The following IKZF3 variants were observed in gnomAD, a reference collection of about 807,000 sequenced individuals.
IKZF3 encodes zinc finger protein Aiolos.
Under a neutral mutation model 49.0 loss-of-function variants are expected in IKZF3, and 10 were observed. That is an observed-to-expected ratio of 0.20 (90% CI 0.13 to 0.35). The LOEUF is 0.35. Ranked by LOEUF, IKZF3 falls within the 10% of genes least tolerant of loss-of-function variation. The pLI, the probability that IKZF3 is intolerant of heterozygous loss-of-function variation, is 1.00. For missense variants in IKZF3, 498 were observed against 664.8 expected (o/e 0.75, Z 2.76); for synonymous variants, 209 against 228.2 (o/e 0.92, Z 0.76).
intron 6 of IKZF3, among the ~76,000 whole-genome samples, chr17:39,786,621 T>C (rs2060881303): frequency 6.6e-6 from 1 of 152,174 alleles, no homozygotes; most frequent in Non-Finnish European, 1.5e-5. Context: ...GTTTTTCTTT[T>C]TATTTTATTA....
intron 3 of IKZF3, among the ~76,000 whole-genome samples, chr17:39,807,971 A>G (rs1158540207): frequency 6.6e-6 from 1 of 152,164 alleles, no homozygotes; most frequent in East Asian, 1.9e-4. Flanking sequence ...CAGCTCTGTA[A>G]ATTTACTAGA....
chr17:39,840,300 G>A (rs990265395), intron 1 of IKZF3, among the ~76,000 whole-genome samples: 1 of 152,188 alleles, frequency 6.6e-6, no homozygotes, highest in Non-Finnish European at 1.5e-5. Flanking sequence ...TGCTGTGGTT[G>A]TTATGGTTTG....
At chr17:39,838,844 T>C (rs1360456796) in intron 1 of IKZF3, among the ~76,000 whole-genome samples, 1 of 152,206 alleles carries the variant, frequency 6.6e-6, no homozygotes, top group Non-Finnish European at 1.5e-5. Flanking sequence ...GTTTTACTTT[T>C]TTTTTAAGAG....
intron 1 of IKZF3, among the ~76,000 whole-genome samples, chr17:39,860,693 C>A (rs1356809718): frequency 2.6e-5 from 4 of 152,060 alleles, no homozygotes; most frequent in Non-Finnish European, 5.9e-5. Flanking sequence ...TTAATGTGAC[C>A]CCCAAATTAG....
chr17:39,860,860 C>T (rs2063196902), intron 1 of IKZF3, among the ~76,000 whole-genome samples: 1 of 152,112 alleles, frequency 6.6e-6, no homozygotes, highest in Admixed American at 6.5e-5. Flanking sequence ...CACATGTACC[C>T]CCTAAATCTA....
Position 39,786,343 on chromosome 17 carries a change from G to C in IKZF3, c.709+1915C>G, listed in dbSNP as rs192071387. Among the ~76,000 whole-genome samples, 598 of 152,260 alleles carry C rather than the reference G, an allele frequency of 3.9e-3. 3 individuals carry two copies. Among genetic ancestry groups the C allele is most frequent in the Non-Finnish European group, 6.1e-3 (417 of 68,020 alleles). ...TTGTCACCTCTAAAATGAAGAAGTA[G>C]GGTCAGATGCTCTCTTTCATTCTAG... On this transcript the variant is annotated intron_variant, in intron 6 of 7. Coordinates refer to ENST00000346872, the MANE Select transcript of IKZF3 (RefSeq NM_012481.5).
intron 3 of IKZF3, among the ~76,000 whole-genome samples, chr17:39,827,455 G>A (rs892840887): frequency 6.6e-5 from 10 of 151,964 alleles, no homozygotes; most frequent in Non-Finnish European, 1.5e-4. Flanking sequence ...CACCACACCT[G>A]GCTAATTTAT....
intron 3 of IKZF3, among the ~76,000 whole-genome samples, chr17:39,817,558 C>A (rs2061705032): frequency 6.6e-6 from 1 of 152,140 alleles, no homozygotes; most frequent in African/African-American, 2.4e-5. Context: ...CCTGCCTCAG[C>A]CTCTTGAGTA....
At chr17:39,817,704 T>C (rs367619694) in intron 3 of IKZF3, among the ~76,000 whole-genome samples, 13 of 152,230 alleles carry the variant, frequency 8.5e-5, no homozygotes, top group Admixed American at 8.5e-4. Flanking sequence ...TTACATTCTA[T>C]TACTTTTATA....
At chr17:39,811,457 A>G (rs2061559884) in intron 3 of IKZF3, among the ~76,000 whole-genome samples, 1 of 151,864 alleles carries the variant, frequency 6.6e-6, no homozygotes, top group Non-Finnish European at 1.5e-5. Context: ...AGAAAGAAAG[A>G]AAGGAAGAAA....
At chr17:39,839,038 C>T (rs1362689337) in intron 1 of IKZF3, among the ~76,000 whole-genome samples, 1 of 152,016 alleles carries the variant, frequency 6.6e-6, no homozygotes, top group African/African-American at 2.4e-5. Context: ...ACTATGTTGC[C>T]CAGGCTTGTC....
chr17:39,831,197 C>T (rs1344271935), intron 2 of IKZF3, among the ~76,000 whole-genome samples: 1 of 151,956 alleles, frequency 6.6e-6, no homozygotes, highest in Non-Finnish European at 1.5e-5. Context: ...GCCTGACCAA[C>T]GTGGTGAAAC....
At chr17:39,770,062 T>C (rs928443320) in intron 7 of IKZF3, among the ~76,000 whole-genome samples, 4 of 152,224 alleles carry the variant, frequency 2.6e-5, no homozygotes, top group African/African-American at 9.6e-5. Context: ...CCCTCGTCTC[T>C]GAGTTACGGT....
intron 1 of IKZF3, among the ~76,000 whole-genome samples, chr17:39,851,467 T>A (rs1488923430): frequency 6.6e-6 from 1 of 152,180 alleles, no homozygotes; most frequent in Non-Finnish European, 1.5e-5. Flanking sequence ...GGTATATCCA[T>A]ACTATTCGAT....
intron 7 of IKZF3, among the ~76,000 whole-genome samples, chr17:39,776,474 G>T (rs1477653963): frequency 6.6e-6 from 1 of 152,178 alleles, no homozygotes; most frequent in Non-Finnish European, 1.5e-5. Flanking sequence ...GGGGAGGGAG[G>T]ACAGCAAGGA....
chr17:39,847,171 G>A (rs1179942594), intron 1 of IKZF3, among the ~76,000 whole-genome samples: 2 of 152,124 alleles, frequency 1.3e-5, no homozygotes, highest in Non-Finnish European at 2.9e-5. Flanking sequence ...GCAGAGAAGC[G>A]TTCGCTGTCA....
intron 1 of IKZF3, among the ~76,000 whole-genome samples, chr17:39,839,193 AT>A (rs1265092719): frequency 6.6e-6 from 1 of 150,590 alleles, no homozygotes; most frequent in African/African-American, 2.4e-5. Context: ...GGTCTCATAT[AT>A]TTATTACTGA....
chr17:39,837,121 A>G (rs1368265013), intron 1 of IKZF3, among the ~76,000 whole-genome samples: 2 of 151,508 alleles, frequency 1.3e-5, no homozygotes, highest in African/African-American at 4.9e-5. Context: ...TTTTGTAGGG[A>G]CGGGGGTCTC....
At chr17:39,840,686 T>C (rs150590596) in intron 1 of IKZF3, among the ~76,000 whole-genome samples, 56 of 152,308 alleles carry the variant, frequency 3.7e-4, no homozygotes, top group African/African-American at 1.3e-3. Flanking sequence ...CATTAGAGGT[T>C]AGCAACAAAG....
Sources: allele counts gnomAD v4.1 joint callset (sites outside exome capture counted in the v4.1 genomes callset), GRCh38; gene constraint gnomAD v4.1.1; transcripts MANE v1.5; gene names NCBI Gene and HGNC (gene_info 2026-07-23, HGNC 2026-07-21).